The following ZNF782 variants were observed in gnomAD, a reference collection of about 807,000 sequenced individuals.
ZNF782 encodes zinc finger protein 782.
In ZNF782, 12 loss-of-function variants were observed where a neutral mutation model predicts 13.0. That is an observed-to-expected ratio of 0.92 (90% CI 0.59 to 1.50). The LOEUF (loss-of-function observed/expected upper bound fraction) is 1.50, where lower values mean the gene tolerates loss of function less well. ZNF782 is among the 40% of genes most tolerant of loss of function. ZNF782 has a pLI of 0.00. For missense variants in ZNF782, 770 were observed against 822.9 expected, an observed-to-expected ratio of 0.94 and a Z score of 0.79; for synonymous variants, 284 against 283.0, an observed-to-expected ratio of 1.00 and a Z score of -0.04.
chr9:96,920,491 C>T, the ZNF782 span, among the ~76,000 whole-genome samples: 1 of 147,836 alleles, frequency 6.8e-6, no homozygotes, highest in Non-Finnish European at 1.5e-5. Context: ...TGGTTTCGAT[C>T]TCCTGACCTC....
At chr9:96,898,355 T>C in the ZNF782 span, among the ~76,000 whole-genome samples, 1 of 148,038 alleles carries the variant, frequency 6.8e-6, no homozygotes, top group African/African-American at 2.6e-5. Flanking sequence ...TGTGTTTCTA[T>C]GAATTTACCT....
intron 4 of ZNF782, among the ~76,000 whole-genome samples, chr9:96,840,747 G>C (rs1001737057): frequency 2.6e-5 from 4 of 152,052 alleles, no homozygotes; most frequent in Non-Finnish European, 5.9e-5. Context: ...TATGCAATTT[G>C]CATGTTGCAG....
the ZNF782 span, chr9:96,931,932 C>A: frequency 6.2e-7 from 1 of 1,612,014 alleles, no homozygotes; most frequent in African/African-American, 1.3e-5. Flanking sequence ...CCAAGTGGGG[C>A]TGGGGCTTCC....
the ZNF782 span, among the ~76,000 whole-genome samples, chr9:96,922,795 C>G: frequency 6.6e-6 from 1 of 151,952 alleles, no homozygotes; most frequent in Non-Finnish European, 1.5e-5. Context: ...AAAATTATAA[C>G]TTGGGGGAAG....
chr9:96,837,656 G>A (rs753056033), intron 4 of ZNF782, among the ~76,000 whole-genome samples: 12 of 152,106 alleles, frequency 7.9e-5, no homozygotes, highest in South Asian at 2.1e-4. Context: ...TAATGTATGC[G>A]TTTATAGCTA....
At chr9:96,907,557 C>T in the ZNF782 span, among the ~76,000 whole-genome samples, 1 of 152,390 alleles carries the variant, frequency 6.6e-6, no homozygotes, top group Admixed American at 6.5e-5. Context: ...ATGTGTGGGT[C>T]CCATTCTGTT....
chr9:96,841,519 C>A (rs1011730485), intron 4 of ZNF782, among the ~76,000 whole-genome samples: 1 of 151,868 alleles, frequency 6.6e-6, no homozygotes, highest in African/African-American at 2.4e-5. Flanking sequence ...AAAAAGAATT[C>A]TATGACATTA....
chr9:96,902,043 CAT>C, the ZNF782 span, among the ~76,000 whole-genome samples: 1 of 151,964 alleles, frequency 6.6e-6, no homozygotes, highest in Non-Finnish European at 1.5e-5. Context: ...AAAGTTATAA[CAT>C]AGGCCAGTGG....
At chr9:96,859,192 G>A (rs147765715), upstream of ZNF782, among the ~76,000 whole-genome samples, 1 of 152,170 alleles carries the variant, frequency 6.6e-6, no homozygotes, top group East Asian at 1.9e-4. Context: ...AACCTGAAAG[G>A]CTGTCTAAGC....
rs141121139 is a variant in ZNF782, at chr9:96,850,416, G to T, written c.15+1531C>A. On this transcript the variant is annotated intron_variant, in intron 3 of 5. Transcript: ENST00000481138. This position sits in a 1 kb window ranked among gnomAD's most constrained non-coding sequence, Gnocchi z 4.3. Reference sequence around the variant, plus strand: ...ACAGGAGTAGAAAACCAAACCGTACGTTCTCACTTATAAGTGGGAGCTAAG... The same window carrying T: ...ACAGGAGTAGAAAACCAAACCGTACTTTCTCACTTATAAGTGGGAGCTAAG... Among the ~76,000 whole-genome samples, 575 of 152,286 alleles carry T rather than the reference G, an allele frequency of 3.8e-3. 3 individuals are homozygous for T. Among genetic ancestry groups the T allele is most frequent in the African/African-American group, 0.013 (552 of 41,570 alleles).
chr9:96,859,928 C>T (rs1011302667), intron 3 of ZNF782, among the ~76,000 whole-genome samples: 1 of 152,160 alleles, frequency 6.6e-6, no homozygotes, highest in Non-Finnish European at 1.5e-5. Context: ...ACAGCATTCA[C>T]CACAAGCTGA....
rs1303826912 is a variant in ZNF782 at position 96,817,795 on chromosome 9, G to A, written c.*128C>T. 2.6e-6 allele frequency: 2 copies of A among 766,684 alleles called. No individual in the cohort carries two copies. The highest frequency in any genetic ancestry group is 5.6e-5 in the East Asian group (2 of 35,876). The allele number at this position is 766,684 out of a possible 1,614,324, so 47.5% of individuals were successfully genotyped here. On this transcript the variant is annotated 3_prime_UTR_variant, in exon 6 of 6. Transcript: ENST00000481138. ...TATCTTCTATTCTTTGATATTTGGT[G>A]GAGGCTGAAATTGTAGAGGAAATTC...
At chr9:96,871,216 GCA>G (rs1429900398) in intron 1 of ZNF782, among the ~76,000 whole-genome samples, 1 of 151,918 alleles carries the variant, frequency 6.6e-6, no homozygotes, top group African/African-American at 2.4e-5. Context: ...GCCCTCCAGA[GCA>G]CTGAAGCATA....
the ZNF782 span, among the ~76,000 whole-genome samples, chr9:96,899,864 G>A: frequency 0.063 from 9,584 of 151,758 alleles, 685 homozygotes; most frequent in East Asian, 0.34. Context: ...CAGTGGCACC[G>A]TCTTGGTTCA....
chr9:96,883,777 C>A, the ZNF782 span, among the ~76,000 whole-genome samples: 46 of 152,294 alleles, frequency 3.0e-4, no homozygotes, highest in African/African-American at 1.1e-3. Flanking sequence ...TAGCAAAACT[C>A]TGAAAAGATA....
chr9:96,846,479 CAAGGT>C (rs1469063161), intron 3 of ZNF782, among the ~76,000 whole-genome samples: 1 of 151,836 alleles, frequency 6.6e-6, no homozygotes, highest in African/African-American at 2.4e-5. Flanking sequence ...CATATAAACT[CAAGGT>C]AAAGGGAAGG....
At chr9:96,911,226 T>G in the ZNF782 span, among the ~76,000 whole-genome samples, 1 of 141,288 alleles carries the variant, frequency 7.1e-6, no homozygotes, top group Non-Finnish European at 1.5e-5. Context: ...GATCACGAGG[T>G]CAGGAGATGG....
At chr9:96,930,926 G>A in the ZNF782 span, among the ~76,000 whole-genome samples, 4 of 101,448 alleles carry the variant, frequency 3.9e-5, no homozygotes, top group Admixed American at 3.1e-4. Flanking sequence ...ACGGAGTCTC[G>A]CTCTGTCACC....
At chr9:96,891,114 A>C in the ZNF782 span, 2 of 152,190 alleles carry the variant, frequency 1.3e-5, no homozygotes, top group Admixed American at 1.3e-4. Flanking sequence ...AGGTTACCAG[A>C]GAGTGGGGAT....
Sources: gnomAD v4.1 joint callset for allele counts (sites outside exome capture counted in the v4.1 genomes callset) on GRCh38, gnomAD v4.1.1 for gene constraint, Gnocchi (gnomAD v3.1) non-coding constraint, MANE v1.5 for transcripts, NCBI Gene and HGNC (gene_info 2026-07-23, HGNC 2026-07-21) for gene names.